ITGA1: variants seen among roughly 807,000 people sequenced by gnomAD.
ITGA1 encodes integrin alpha-1.
ITGA1 carries 85 observed loss-of-function variants against 145.9 expected under a neutral mutation model. That is an observed-to-expected ratio of 0.58 (90% CI 0.49 to 0.70). The LOEUF (loss-of-function observed/expected upper bound fraction) is 0.70, where lower values mean the gene tolerates loss of function less well. Among genes scored for constraint, ITGA1 ranks in the 30% least tolerant of loss-of-function variants. ITGA1 has a pLI of 0.00. For synonymous variants in ITGA1, 520 were observed against 495.3 expected (o/e 1.05, Z -0.66); for missense variants, 1,351 against 1,418.7 (o/e 0.95, Z 0.77).
At chr5:52,898,078 G>A (rs1189163477) in intron 10 of ITGA1, among the ~76,000 whole-genome samples, 161 bp from the exon 11 acceptor site, 1 of 152,074 alleles carries the variant, frequency 6.6e-6, no homozygotes, top group Non-Finnish European at 1.5e-5. Context: ...AACAGGTATG[G>A]TAGCAATAGC....
chr5:52,922,909 T>C (rs1239124621), intron 18 of ITGA1, 22 bp downstream of exon 18: 1 of 1,344,652 alleles, frequency 7.4e-7, no homozygotes, highest in Non-Finnish European at 1.1e-6. Context: ...TTCTTTAAAA[T>C]ACAAAATACC....
chr5:52,943,478 A>G (rs1414088602), intron 26 of ITGA1, among the ~76,000 whole-genome samples: 1 of 152,310 alleles, frequency 6.6e-6, no homozygotes, highest in African/African-American at 2.4e-5. Flanking sequence ...GTAGAGGGCA[A>G]TTAAGGGTAA....
intron 1 of ITGA1, among the ~76,000 whole-genome samples, chr5:52,814,842 G>A (rs889294): frequency 0.57 from 86,564 of 151,906 alleles, 25,166 homozygotes; most frequent in African/African-American, 0.66. Context: ...GAAAATTTCA[G>A]CCAGGAATTT....
rs568537907 is a variant in ITGA1, at chr5:52,952,556, T to G, written c.*105T>G. The stretch of plus-strand genomic sequence containing the variant: ...ATAATTCATGACATAGTCATGTAAC[T>G]ATGTAATCCATCAGGGATTCATTAC... On this transcript the variant is annotated 3_prime_UTR_variant, in exon 29 of 29. Transcript: ENST00000282588. 4 of 472,556 alleles carry G rather than the reference T, an allele frequency of 8.5e-6. No individual in the cohort carries two copies. The allele number at this position is 472,556 out of a possible 1,614,324, so 29.3% of individuals were successfully genotyped here. A position where few individuals can be genotyped will look rare whatever the true frequency, so the allele number is the denominator to read the frequency against.
intron 2 of ITGA1, among the ~76,000 whole-genome samples, chr5:52,849,845 G>C (rs1749401119): frequency 6.6e-6 from 1 of 152,094 alleles, no homozygotes; most frequent in African/African-American, 2.4e-5. Flanking sequence ...GGATTCGGAG[G>C]CAAATGAGAT....
intron 11 of ITGA1, among the ~76,000 whole-genome samples, chr5:52,898,719 T>A (rs568338253): frequency 1.3e-5 from 2 of 152,086 alleles, no homozygotes; most frequent in South Asian, 4.2e-4. Flanking sequence ...GAAATGAGAG[T>A]AGAAAAGGAA....
At chr5:52,909,959 AG>A (rs1413307614) in intron 13 of ITGA1, among the ~76,000 whole-genome samples, 1 of 152,138 alleles carries the variant, frequency 6.6e-6, no homozygotes, top group African/African-American at 2.4e-5. Context: ...ATTCCATTAA[AG>A]TATGTCTCCC....
chr5:52,922,299 TCAAACAAACAAA>T lies in ITGA1; in HGVS notation c.2293-457_2293-446del, dbSNP rs5867848. The stretch of plus-strand genomic sequence containing the variant: ...CTGGGTGACAGAGAGAGACTCTGTC[TCAAACAAACAAA>T]CAAACAAACAAACAAACAAAAACTT... On this transcript the variant is annotated intron_variant, in intron 17 of 28. Coordinates refer to ENST00000282588, the MANE Select transcript of ITGA1 (RefSeq NM_181501.2). Among the ~76,000 whole-genome samples, 6 of 150,848 alleles carry T rather than the reference TCAAACAAACAAA, an allele frequency of 4.0e-5. No individual in the cohort carries two copies. The South Asian group carries it at 6.3e-4, about 16-fold the overall frequency.
At chr5:52,803,047 C>A (rs1346054898) in intron 1 of ITGA1, 5 of 152,182 alleles carry the variant, frequency 3.3e-5, no homozygotes, top group Non-Finnish European at 7.3e-5. Flanking sequence ...TAGGAACGAT[C>A]TAATAGTGAT....
At position 52,861,571 on chromosome 5, in the gene ITGA1, TA is replaced by T; in HGVS notation, c.295+19del. The T allele has an allele frequency of 1.3e-6, 2 of 1,564,970 alleles. No individual in the cohort carries two copies. The highest frequency in any genetic ancestry group is 1.1e-5 in the South Asian group (1 of 89,900). ...GTTGGATCTACCAGGTATGTAAAAT[TA>T]AAAAAATCTGGTTTTAGGCCAGGTG... On this transcript the variant is annotated intron_variant, in intron 3 of 28. Transcript: ENST00000282588.
At chr5:52,900,844 C>T (rs1325834104) in intron 11 of ITGA1, among the ~76,000 whole-genome samples, 2 of 152,044 alleles carry the variant, frequency 1.3e-5, no homozygotes, top group African/African-American at 4.8e-5. Flanking sequence ...TAGTACTGTG[C>T]CTGACACACA....
chr5:52,817,729 A>G (rs1748799273), intron 1 of ITGA1, among the ~76,000 whole-genome samples: 1 of 152,274 alleles, frequency 6.6e-6, no homozygotes, highest in African/African-American at 2.4e-5. Context: ...GTTTAAGAAT[A>G]GGAAACTAAG....
chr5:52,944,968 C>T lies in ITGA1; in HGVS notation c.3311C>T (p.Thr1104Ile), dbSNP rs548318871. 1.2e-6 allele frequency: 2 copies of T among 1,612,578 alleles called. No homozygotes were observed. Among genetic ancestry groups the T allele is most frequent in the Admixed American group, 3.3e-5 (2 of 60,008 alleles). ...TCATATTTTTCCAGCTTAAATCTTA[C>T]TATAAGGGGAGAACTTCGGAGTGAA... Reference protein sequence around the residue: ...IKSYFSSLNLTIRGELRSENA... With the variant: ...IKSYFSSLNLIIRGELRSENA... The change falls in exon 27 of 29, where the codon ACT becomes ATT. Residue 1104 changes from threonine to isoleucine, a missense_variant. By Grantham distance (89) the Thr-to-Ile change is moderately conservative (BLOSUM62 -1). Coordinates refer to ENST00000282588, the MANE Select transcript of ITGA1 (RefSeq NM_181501.2).
At chr5:52,915,222 T>C (rs890878695) in intron 14 of ITGA1, among the ~76,000 whole-genome samples, 1 of 152,162 alleles carries the variant, frequency 6.6e-6, no homozygotes, top group Non-Finnish European at 1.5e-5. Flanking sequence ...TGACACTATA[T>C]AATTTTTCCC....
intron 1 of ITGA1, among the ~76,000 whole-genome samples, chr5:52,827,796 ATTATT>A (rs1227086227): frequency 6.6e-6 from 1 of 152,230 alleles, no homozygotes; most frequent in Non-Finnish European, 1.5e-5. Context: ...TAATCAATAA[ATTATT>A]TTAAGACTAA....
At chr5:52,924,265 G>T (rs1247465824) in intron 18 of ITGA1, among the ~76,000 whole-genome samples, 1 of 152,174 alleles carries the variant, frequency 6.6e-6, no homozygotes. Flanking sequence ...TATGGAGGAG[G>T]ATTTCAGAGC....
intron 2 of ITGA1, among the ~76,000 whole-genome samples, chr5:52,857,255 C>T (rs537747493): frequency 2.9e-4 from 44 of 152,252 alleles, no homozygotes; most frequent in Non-Finnish European, 3.7e-4. Context: ...GGCTGCTCAG[C>T]GTGCTGCCTA....
At position 52,812,694 on chromosome 5, in the gene ITGA1, C is replaced by G. The variant is rs1466766018; in HGVS notation, c.61+24280C>G. Among the ~76,000 whole-genome samples the G allele has an allele frequency of 2.6e-5, 4 of 151,412 alleles. No individual in the cohort carries two copies. In the East Asian group the frequency reaches 7.8e-4, roughly 29 times the overall value. On this transcript the variant is annotated intron_variant, in intron 1 of 28. Coordinates refer to ENST00000282588, the MANE Select transcript of ITGA1 (RefSeq NM_181501.2). ...AAATGGAAAAAATGATAAAACTGCT[C>G]TCATAGAGTTGCAAGGAATAAATGA... is the stretch of plus-strand genomic sequence containing the variant.
intron 26 of ITGA1, among the ~76,000 whole-genome samples, chr5:52,943,348 T>A (rs1417896114): frequency 3.3e-5 from 5 of 152,210 alleles, no homozygotes; most frequent in African/African-American, 7.2e-5. Context: ...CATTTGGGTT[T>A]GTTTCTGGAT....
Sources: gnomAD v4.1 joint callset for allele counts (sites outside exome capture counted in the v4.1 genomes callset) on GRCh38, gnomAD v4.1.1 for gene constraint, MANE v1.5 for transcripts, NCBI Gene and HGNC (gene_info 2026-07-23, HGNC 2026-07-21) for gene names.